The following PRKG1 variants were observed in gnomAD, a reference collection of about 807,000 sequenced individuals.
PRKG1 encodes the protein cGMP-dependent protein kinase 1.
A neutral mutation model predicts 88.1 loss-of-function variants in PRKG1; 35 were observed. The ratio of observed to expected loss-of-function variants is 0.40; its 90% CI spans 0.30 to 0.53. PRKG1 has a LOEUF of 0.53. Ranked by LOEUF, PRKG1 falls within the 20% of genes least tolerant of loss-of-function variation. The pLI, the probability that PRKG1 is intolerant of heterozygous loss-of-function variation, is 0.59. For synonymous variants in PRKG1, 303 were observed against 292.5 expected, an observed-to-expected ratio of 1.04 and a Z score of -0.37; for missense variants, 540 against 839.8, an observed-to-expected ratio of 0.64 and a Z score of 4.41.
At chr10:51,415,165 G>A (rs1240564306) in intron 2 of PRKG1, among the ~76,000 whole-genome samples, 1 of 152,216 alleles carries the variant, frequency 6.6e-6, no homozygotes, top group Admixed American at 6.5e-5. Flanking sequence ...GTCCTTGTCA[G>A]TATGCTGCCT....
chr10:51,883,093 A>G (rs1163859686), intron 4 of PRKG1, among the ~76,000 whole-genome samples: 1 of 152,224 alleles, frequency 6.6e-6, no homozygotes, highest in Non-Finnish European at 1.5e-5. Flanking sequence ...GAATAGAACA[A>G]AAAGGTGGAA....
chr10:51,771,762 G>A (rs1838310702), intron 3 of PRKG1, among the ~76,000 whole-genome samples: 1 of 152,098 alleles, frequency 6.6e-6, no homozygotes, highest in South Asian at 2.1e-4. Flanking sequence ...TCCACCCCTA[G>A]CACTTCAGGC....
chr10:51,358,282 A>C (rs1411648873), intron 2 of PRKG1, among the ~76,000 whole-genome samples: 1 of 151,992 alleles, frequency 6.6e-6, no homozygotes, highest in South Asian at 2.1e-4. Flanking sequence ...GCAATCCAAG[A>C]TACCAAGGCA....
intron 3 of PRKG1, among the ~76,000 whole-genome samples, chr10:51,546,400 G>T (rs1271150106): frequency 6.6e-6 from 1 of 151,988 alleles, no homozygotes; most frequent in African/African-American, 2.4e-5. Context: ...ACACTAATTT[G>T]TATTAATTCT....
chr10:51,720,268 T>C (rs1381868416), intron 3 of PRKG1, among the ~76,000 whole-genome samples: 1 of 152,014 alleles, frequency 6.6e-6, no homozygotes, highest in Non-Finnish European at 1.5e-5. Flanking sequence ...TATCTTACCA[T>C]CTTACCTCCT....
At chr10:52,067,044 T>A (rs1239301223) in intron 7 of PRKG1, among the ~76,000 whole-genome samples, 1 of 152,234 alleles carries the variant, frequency 6.6e-6, no homozygotes, top group African/African-American at 2.4e-5. Flanking sequence ...TCAATATTTT[T>A]CACAAGAAAT....
intron 5 of PRKG1, among the ~76,000 whole-genome samples, chr10:51,969,206 G>A (rs1012578419): frequency 6.6e-6 from 1 of 152,134 alleles, no homozygotes; most frequent in Admixed American, 6.6e-5. Context: ...CAATTTTTCA[G>A]TAGCAAATGC....
chr10:50,991,288 C>T lies in PRKG1; in HGVS notation c.-91C>T. ...GCCCATTCACTCGCTCACCCGCGCT[C>T]TCCGCTGCCGGCTGCCGTCCCAGCC... On this transcript the variant is annotated 5_prime_UTR_variant, in exon 1 of 18. Transcript: ENST00000401604. The surrounding 1 kb of genome is among the most constrained non-coding windows in gnomAD (Gnocchi z 4.5). 3 of 1,454,320 alleles carry T rather than the reference C, an allele frequency of 2.1e-6. No individual in the cohort carries two copies. The South Asian group carries it at 4.2e-5, about 20-fold the overall frequency. The allele number at this position is 1,454,320 out of a possible 1,614,324, so 90.1% of individuals were successfully genotyped here.
At chr10:51,605,115 CGTT>C (rs1368813390) in intron 3 of PRKG1, among the ~76,000 whole-genome samples, 1 of 152,164 alleles carries the variant, frequency 6.6e-6, no homozygotes, top group Non-Finnish European at 1.5e-5. Context: ...TCGGCATCTG[CGTT>C]GTTCTGCCAT....
chr10:52,087,749 ATTC>A (rs753132469), intron 7 of PRKG1, among the ~76,000 whole-genome samples: 1 of 152,178 alleles, frequency 6.6e-6, no homozygotes, highest in Non-Finnish European at 1.5e-5. Flanking sequence ...GAATTTGGCT[ATTC>A]TTAGGTTTTT....
At chr10:51,614,796 C>T (rs551973633) in intron 3 of PRKG1, among the ~76,000 whole-genome samples, 1 of 152,036 alleles carries the variant, frequency 6.6e-6, no homozygotes, top group Non-Finnish European at 1.5e-5. Context: ...CAAAGCTGAC[C>T]TAGTGGTCAT....
At chr10:51,383,945 C>A (rs1837183766) in intron 2 of PRKG1, among the ~76,000 whole-genome samples, 1 of 151,998 alleles carries the variant, frequency 6.6e-6, no homozygotes, top group Non-Finnish European at 1.5e-5. Context: ...AATCATCATC[C>A]TATGTTGATT....
At position 51,713,452 on chromosome 10, in the gene PRKG1, G is replaced by A. The variant is rs181273962; in HGVS notation, c.593-91133G>A. ...TGTGTTGAATTCTTTTCTAATTTTTGATGGTTGCTTCCTTATTAAAACAGA... is the reference window on the plus strand; with the variant it reads ...TGTGTTGAATTCTTTTCTAATTTTTAATGGTTGCTTCCTTATTAAAACAGA... On this transcript the variant is annotated intron_variant, in intron 3 of 17. Coordinates refer to ENST00000373980, the MANE Select transcript of PRKG1 (RefSeq NM_006258.4). Among the ~76,000 whole-genome samples, 138 of 152,246 alleles carry A rather than the reference G, an allele frequency of 9.1e-4. 1 individual carries two copies. The highest frequency in any genetic ancestry group is 3.2e-3 in the African/African-American group (135 of 41,546).
rs556418472 is a variant in PRKG1, at chr10:51,551,533, T to C, written c.592+83697T>C. 4.6e-5 allele frequency among the ~76,000 whole-genome samples: 7 copies of C among 151,922 alleles called. No homozygotes were observed. The South Asian group carries it at 1.5e-3, about 31-fold the overall frequency. ...AATCTAATTGAATACAGTATATGTG[T>C]TTGTATGAATGAGTTATTGGACAGG... On this transcript the variant is annotated intron_variant, in intron 3 of 17. Transcript: ENST00000373980.
intron 1 of PRKG1, among the ~76,000 whole-genome samples, chr10:51,041,463 C>A (rs2132758583): frequency 6.6e-6 from 1 of 152,274 alleles, no homozygotes. Context: ...CTGAGTCTCA[C>A]CCAAGGCCCG....
intron 1 of PRKG1, among the ~76,000 whole-genome samples, chr10:51,002,643 A>G (rs977392607): frequency 2.6e-5 from 4 of 152,142 alleles, no homozygotes; most frequent in Non-Finnish European, 1.5e-5. Flanking sequence ...TTCCTGTAAA[A>G]GGCTATTTCA....
intron 4 of PRKG1, among the ~76,000 whole-genome samples, chr10:51,865,075 C>T (rs1840979971): frequency 6.6e-6 from 1 of 152,102 alleles, no homozygotes; most frequent in South Asian, 2.1e-4. Context: ...AGGAGGATTT[C>T]ACATTCTCAG....
At chr10:51,762,896 G>A (rs908776024) in intron 3 of PRKG1, among the ~76,000 whole-genome samples, 4 of 152,112 alleles carry the variant, frequency 2.6e-5, no homozygotes, top group Admixed American at 6.5e-5. Context: ...GTGTATTTCC[G>A]TTGTATTTTA....
At chr10:51,779,033 G>A (rs1313457780) in intron 3 of PRKG1, among the ~76,000 whole-genome samples, 4 of 152,116 alleles carry the variant, frequency 2.6e-5, no homozygotes, top group Non-Finnish European at 4.4e-5. Flanking sequence ...AGAAACAGAA[G>A]GAACAGAACT....
Sources: allele counts gnomAD v4.1 joint callset (sites outside exome capture counted in the v4.1 genomes callset), GRCh38; gene constraint gnomAD v4.1.1; non-coding constraint Gnocchi (gnomAD v3.1); transcripts MANE v1.5; gene names NCBI Gene and HGNC (gene_info 2026-07-23, HGNC 2026-07-21).